Variants in ATP1A4 observed in about 807,000 individuals in gnomAD.
The protein encoded by ATP1A4 is ATPase Na+/K+ transporting subunit alpha 4, also known as sodium/potassium-transporting ATPase subunit alpha-4.
In ATP1A4, 90 loss-of-function variants were observed where a neutral mutation model predicts 114.3. The observed-to-expected ratio is 0.79, with a 90% confidence interval of 0.66 to 0.94. The LOEUF (loss-of-function observed/expected upper bound fraction) is 0.94. ATP1A4 is among the 40% of genes least tolerant of loss of function. The pLI, the probability that ATP1A4 is intolerant of heterozygous loss-of-function variation, is 0.00. For missense variants in ATP1A4, 1,222 were observed against 1,313.6 expected (o/e 0.93, Z 1.08); for synonymous variants, 511 against 494.1 (o/e 1.03, Z -0.45).
At chr1:160,186,503 C>T (rs1164878588) in intron 21 of ATP1A4, 136 bp downstream of exon 21, 19 of 1,047,928 alleles carry the variant, frequency 1.8e-5, no homozygotes, top group Middle Eastern at 2.8e-4. Context: ...CGCCTGGAGC[C>T]GAGACCTCTC....
intron 2 of ATP1A4, among the ~76,000 whole-genome samples, chr1:160,154,227 A>G (rs1226386162): frequency 6.6e-6 from 1 of 152,102 alleles, no homozygotes; most frequent in Non-Finnish European, 1.5e-5. Context: ...AGTGGCACAC[A>G]TCTGCAATCT....
chr1:160,155,929 C>A, intron 3 of ATP1A4, 116 bp from the exon 4 acceptor site: 1 of 664,448 alleles, frequency 1.5e-6, no homozygotes, highest in Non-Finnish European at 2.8e-6. Flanking sequence ...GCTCTCAACT[C>A]AGTCTTACGG....
chr1:160,164,129 C>A, intron 6 of ATP1A4, 27 bp from the exon 7 acceptor site: 1 of 1,609,794 alleles, frequency 6.2e-7, no homozygotes, highest in South Asian at 1.1e-5. Context: ...CACAACATCA[C>A]ATTGCCCTCT....
chr1:160,171,668 C>G lies in ATP1A4; in HGVS notation c.1765C>G (p.Leu589Val). 6.2e-7 allele frequency: 1 copy of G among 1,614,114 alleles called. No individual in the cohort carries two copies. ...TGAAATAAATTTCCCCATGGACAACCTTTGTTTTGTGGGCCTCATATCCAT... is the reference window on the plus strand; with the variant it reads ...TGAAATAAATTTCCCCATGGACAACGTTTGTTTTGTGGGCCTCATATCCAT... ...TDEINFPMDN[L>V]CFVGLISMID... is the part of the protein sequence containing the mutation. Residue 589 changes from leucine to valine, a missense_variant, in exon 12 of 22, where the codon CTT becomes GTT. Transcript: ENST00000368081.
chr1:160,152,765 G>A (rs925330979), intron 1 of ATP1A4, among the ~76,000 whole-genome samples: 5 of 152,138 alleles, frequency 3.3e-5, no homozygotes, highest in Non-Finnish European at 5.9e-5. Flanking sequence ...GGCCGGGCGT[G>A]GTGGCTCACA....
intron 4 of ATP1A4, 110 bp from the exon 5 acceptor site, chr1:160,158,892 T>A: frequency 8.3e-7 from 1 of 1,201,530 alleles, no homozygotes; most frequent in African/African-American, 1.5e-5. Flanking sequence ...TGGGTGACAG[T>A]AAGAAAGGGG....
At chr1:160,176,722 C>G in intron 17 of ATP1A4, 120 bp downstream of exon 17, 1 of 1,349,626 alleles carries the variant, frequency 7.4e-7, no homozygotes, top group East Asian at 2.5e-5. Context: ...TGTGCTAGGC[C>G]CTGAAAACAC....
In ATP1A4 at chr1:160,181,912, A is replaced by G. The variant is rs773658684; in HGVS notation, c.2868-18A>G. ...TTTCTTCTCCCTCCCCGCCACACCC[A>G]TGAATGTTTCTTCCCAGAAACAAAG... On this transcript the variant is annotated intron_variant, in intron 19 of 21. Transcript: ENST00000368081. 27 of 1,613,600 alleles carry G rather than the reference A, an allele frequency of 1.7e-5. No individual in the cohort carries two copies. Among genetic ancestry groups the G allele is most frequent in the Non-Finnish European group, 2.2e-5 (26 of 1,179,650 alleles).
At chr1:160,162,452 C>T (rs1652895453) in intron 6 of ATP1A4, among the ~76,000 whole-genome samples, 2 of 152,120 alleles carry the variant, frequency 1.3e-5, no homozygotes, top group South Asian at 4.1e-4. Flanking sequence ...GCTGTTATGG[C>T]CCGTGCTACC....
Position 160,164,331 on chromosome 1 carries a change from A to G in ATP1A4, c.954A>G (p.Ser318=). 6.2e-7 allele frequency: 1 copy of G among 1,613,686 alleles called. No individual in the cohort carries two copies. The highest frequency in any genetic ancestry group is 8.5e-7 in the Non-Finnish European group (1 of 1,179,934). ...VFLGVTFFAL[S]LLLGYGWLEA... is the part of the protein sequence containing the mutation. ...TTGGTGTCACTTTTTTTGCGCTCTC[A>G]CTTCTCTTGGGCTATGGTTGGCTGG... Residue 318 remains serine (S), a synonymous_variant, in exon 7 of 22, where the codon TCA becomes TCG. Coordinates refer to ENST00000368081, the MANE Select transcript of ATP1A4 (RefSeq NM_144699.4).
Position 160,181,672 on chromosome 1 carries a change from T to A in ATP1A4, c.2737-12T>A. 1.2e-6 allele frequency: 2 copies of A among 1,614,012 alleles called. No individual in the cohort carries two copies. Among genetic ancestry groups the A allele is most frequent in the South Asian group, 2.2e-5 (2 of 91,062 alleles). ...CTTCTGACACTGTTTCCTCTCTCCC[T>A]GCTGTCTCTAGACCTATGAGCAACG... On this transcript the variant is annotated splice_polypyrimidine_tract_variant and intron_variant, in intron 18 of 21. Transcript: ENST00000368081.
intron 3 of ATP1A4, 131 bp downstream of exon 3, chr1:160,155,379 A>T: frequency 1.8e-6 from 1 of 567,546 alleles, no homozygotes; most frequent in Non-Finnish European, 3.1e-6. Flanking sequence ...TAATGTAATA[A>T]TGTAATAAAT....
At chr1:160,177,773 C>CA in intron 18 of ATP1A4, 109 bp downstream of exon 18, 2 of 1,257,778 alleles carry the variant, frequency 1.6e-6, no homozygotes, top group Non-Finnish European at 2.2e-6. Context: ...ACCACACAAA[C>CA]AGAGCTGATG....
rs1421857038 is a variant in ATP1A4, at chr1:160,166,728, T to C, written c.1246+2T>C. 1.2e-6 allele frequency: 2 copies of C among 1,613,882 alleles called. No homozygotes were observed. Among genetic ancestry groups the C allele is most frequent in the Admixed American group, 3.3e-5 (2 of 59,994 alleles). ...CCGACACCACTGAAGAACAGACTGG[T>C]GACTAGTGGTATTGGTGGAACAAGA... On this transcript the variant is annotated splice_donor_variant, in intron 8 of 21. Transcript: ENST00000368081. LOFTEE classifies it high-confidence loss of function.
At chr1:160,185,376 G>C (rs1233953177) in intron 20 of ATP1A4, among the ~76,000 whole-genome samples, 1 of 151,972 alleles carries the variant, frequency 6.6e-6, no homozygotes, top group Non-Finnish European at 1.5e-5. Flanking sequence ...CTCCCAAAGT[G>C]CTGGGATTAC....
At chr1:160,182,514 T>G (rs1653740048) in intron 20 of ATP1A4, among the ~76,000 whole-genome samples, 1 of 152,198 alleles carries the variant, frequency 6.6e-6, no homozygotes, top group African/African-American at 2.4e-5. Flanking sequence ...TGCATTAACA[T>G]TAGTATATGC....
intron 14 of ATP1A4, 33 bp from the exon 15 acceptor site, chr1:160,174,546 A>C (rs778156881): frequency 8.1e-5 from 129 of 1,602,472 alleles, no homozygotes; most frequent in Non-Finnish European, 1.1e-4. Context: ...TGATGCAATA[A>C]ATTGTTCACT....
intron 12 of ATP1A4, among the ~76,000 whole-genome samples, chr1:160,171,986 C>A (rs1653281523): frequency 6.6e-6 from 1 of 152,036 alleles, no homozygotes; most frequent in African/African-American, 2.4e-5. Flanking sequence ...GTCTAGGACA[C>A]ACCCCAGACC....
In ATP1A4 at chr1:160,176,198, G is replaced by C. The variant is rs772559754; in HGVS notation, c.2418G>C (p.Leu806=). The stretch of plus-strand genomic sequence containing the variant: ...TGTTCATCATCCTCGGTATACCCCT[G>C]CCTCTGGGAACCATAACCATCCTCT... The part of the protein sequence containing the change: ...FLMFIILGIP[L]PLGTITILCI... Residue 806 remains leucine, a synonymous_variant, in exon 16 of 22, where the codon CTG becomes CTC. Transcript: ENST00000368081. The C allele has an allele frequency of 1.2e-6, 2 of 1,613,978 alleles. No individual in the cohort carries two copies. The highest frequency in any genetic ancestry group is 8.5e-7 in the Non-Finnish European group (1 of 1,179,998).
Sources: allele counts gnomAD v4.1 joint callset (sites outside exome capture counted in the v4.1 genomes callset), GRCh38; gene constraint gnomAD v4.1.1; transcripts MANE v1.5; gene names NCBI Gene and HGNC (gene_info 2026-07-23, HGNC 2026-07-21).